DNAJB6: variants seen among roughly 807,000 people sequenced by gnomAD.
DNAJB6 encodes the protein DnaJ heat shock protein family (Hsp40) member B6.
In DNAJB6, 16 loss-of-function variants were observed where a neutral mutation model predicts 42.7. The observed-to-expected ratio is 0.37, with a 90% CI of 0.25 to 0.57. The LOEUF (loss-of-function observed/expected upper bound fraction) is 0.57, where lower values mean the gene tolerates loss of function less well. Among genes scored for constraint, DNAJB6 ranks in the 20% least tolerant of loss-of-function variants. The pLI is 0.74. For synonymous variants in DNAJB6, 170 were observed against 163.5 expected, an observed-to-expected ratio of 1.04 and a Z score of -0.30; for missense variants, 347 against 416.8, an observed-to-expected ratio of 0.83 and a Z score of 1.46.
intron 8 of DNAJB6, among the ~76,000 whole-genome samples, chr7:157,404,140 C>CT (rs371892863): frequency 0.021 from 3,240 of 150,838 alleles, 57 homozygotes; most frequent in Middle Eastern, 0.069. Flanking sequence ...CTAATTTTTT[C>CT]TTTTTTTTTG....
At chr7:157,380,904 C>G (rs1800732656) in intron 5 of DNAJB6, 2 of 152,288 alleles carry the variant, frequency 1.3e-5, no homozygotes, top group South Asian at 4.1e-4. Flanking sequence ...CTGGGGGTAC[C>G]CAGCGTCTCA....
chr7:157,381,673 A>G (rs1800780589), intron 5 of DNAJB6: 1 of 152,222 alleles, frequency 6.6e-6, no homozygotes, highest in African/African-American at 2.4e-5. Flanking sequence ...CATCAAACTT[A>G]GAATAAAAGG....
At position 157,410,236 on chromosome 7, in the gene DNAJB6, G is replaced by A. The variant is rs1308540619; in HGVS notation, c.898+235G>A. 26 of 975,846 alleles carry A rather than the reference G, an allele frequency of 2.7e-5. 1 individual carries two copies. The South Asian group carries it at 4.7e-4, about 18-fold the overall frequency. 60.4% of individuals were successfully genotyped at this position (975,846 alleles called of 1,614,324 possible). On this transcript the variant is annotated intron_variant, in intron 9 of 9. Transcript: ENST00000262177. ...AAAACGGGGTCCGCGTGTCCTGTAC[G>A]CAGCGTGTTGCTCCGCAAAGGATGA... is the stretch of plus-strand genomic sequence containing the variant.
intron 1 of DNAJB6, among the ~76,000 whole-genome samples, chr7:157,344,284 T>G (rs1159994945): frequency 6.6e-6 from 1 of 151,382 alleles, no homozygotes; most frequent in Non-Finnish European, 1.5e-5. Flanking sequence ...GAGCTTGCAG[T>G]GAGCCGAGAT....
chr7:157,390,600 T>C (rs1428483161), intron 8 of DNAJB6, among the ~76,000 whole-genome samples: 1 of 152,124 alleles, frequency 6.6e-6, no homozygotes, highest in Non-Finnish European at 1.5e-5. Flanking sequence ...GTTGCAGAAA[T>C]GTGGGGTGGA....
intron 8 of DNAJB6, among the ~76,000 whole-genome samples, chr7:157,394,757 T>C (rs113150258): frequency 1.0e-3 from 156 of 152,186 alleles, no homozygotes; most frequent in African/African-American, 3.5e-3. Context: ...AAGCAACACA[T>C]CACAAGAGCA....
At chr7:157,342,775 G>A (rs1029294686) in intron 1 of DNAJB6, among the ~76,000 whole-genome samples, 1 of 152,074 alleles carries the variant, frequency 6.6e-6, no homozygotes, top group African/African-American at 2.4e-5. Flanking sequence ...TTAATGAAAG[G>A]GAGTTAAGCT....
intron 8 of DNAJB6, among the ~76,000 whole-genome samples, chr7:157,396,034 G>A (rs1468815943): frequency 2.7e-5 from 4 of 150,340 alleles, no homozygotes; most frequent in Non-Finnish European, 4.4e-5. Context: ...TGCAACCTCC[G>A]TCTCCTGGGT....
At chr7:157,394,671 T>A (rs58355925) in intron 8 of DNAJB6, among the ~76,000 whole-genome samples, 172 of 152,360 alleles carry the variant, frequency 1.1e-3, no homozygotes, top group African/African-American at 4.0e-3. Flanking sequence ...TGCAGCTTTT[T>A]TGGGAGGAAC....
intron 1 of DNAJB6, among the ~76,000 whole-genome samples, chr7:157,356,965 A>T (rs1799309488): frequency 6.6e-6 from 1 of 151,624 alleles, no homozygotes; most frequent in Non-Finnish European, 1.5e-5. Context: ...GATTTCCATT[A>T]TAGTTTTTTG....
chr7:157,401,486 C>T lies in DNAJB6; in HGVS notation c.692-8309C>T, dbSNP rs537443349. Among the ~76,000 whole-genome samples the T allele has an allele frequency of 3.3e-5, 5 of 152,338 alleles. No homozygotes were observed. In the East Asian group the frequency reaches 5.8e-4, roughly 18 times the overall value. On this transcript the variant is annotated intron_variant, in intron 8 of 9. Coordinates refer to ENST00000262177, the MANE Select transcript of DNAJB6 (RefSeq NM_058246.4). ...TCGGCCTCCCAAAGTGCTGGCATTA[C>T]AGGCATGAGCCACCGTGCTTGACCA...
intron 3 of DNAJB6, 104 bp downstream of exon 3, chr7:157,363,374 T>A: frequency 1.5e-6 from 1 of 661,348 alleles, no homozygotes; most frequent in Non-Finnish European, 2.6e-6. Context: ...TCAAGTGACT[T>A]GTTTTTGATG....
At chr7:157,413,803 A>C (rs895552908) in intron 9 of DNAJB6, 3 of 146,388 alleles carry the variant, frequency 2.0e-5, no homozygotes, top group Non-Finnish European at 4.5e-5. Context: ...GCTCACTGCA[A>C]CCTCTGCCTC....
chr7:157,373,372 A>G (rs138573149), intron 5 of DNAJB6, among the ~76,000 whole-genome samples: 13 of 152,268 alleles, frequency 8.5e-5, no homozygotes, highest in South Asian at 2.1e-4. Flanking sequence ...TCGCTCTGAG[A>G]CAGAGTTTTG....
chr7:157,376,405 G>A (rs558148814), intron 5 of DNAJB6, among the ~76,000 whole-genome samples: 5 of 152,256 alleles, frequency 3.3e-5, no homozygotes, highest in East Asian at 1.9e-4. Context: ...TTTTAAAGAA[G>A]CTCTTGCTAT....
At chr7:157,341,004 G>GCGCGCTCGCGCA (rs1554450177) in intron 1 of DNAJB6, among the ~76,000 whole-genome samples, 1 of 147,148 alleles carries the variant, frequency 6.8e-6, no homozygotes, top group African/African-American at 2.5e-5. Flanking sequence ...GTGTGCGCGC[G>GCGCGCTCGCGCA]CGCAGGTGGA....
In DNAJB6 at chr7:157,382,507, C is replaced by A. The variant is rs1800836784; in HGVS notation, c.478+130C>A. The A allele has an allele frequency of 2.8e-6, 3 of 1,067,814 alleles. No homozygotes were observed. The East Asian group carries it at 8.6e-5, about 31-fold the overall frequency. The allele number at this position is 1,067,814 out of a possible 1,614,324, so 66.1% of individuals were successfully genotyped here. A position where few individuals can be genotyped will look rare whatever the true frequency, so the allele number is the denominator to read the frequency against. On this transcript the variant is annotated intron_variant, in intron 6 of 9. Coordinates refer to ENST00000262177, the MANE Select transcript of DNAJB6 (RefSeq NM_058246.4). ...TCGTAGAATAGCATTGTGGATTTGCCAGCTTTTTTTGGTATACAGGTCTGC... is the reference window on the plus strand; with the variant it reads ...TCGTAGAATAGCATTGTGGATTTGCAAGCTTTTTTTGGTATACAGGTCTGC...
chr7:157,386,660 A>G (rs907976463), intron 8 of DNAJB6, among the ~76,000 whole-genome samples: 1 of 152,160 alleles, frequency 6.6e-6, no homozygotes, highest in African/African-American at 2.4e-5. Flanking sequence ...AGGCGGGTGG[A>G]TCACCTGAGG....
At chr7:157,410,647 T>C in intron 9 of DNAJB6, 1 of 153,668 alleles carries the variant, frequency 6.5e-6, no homozygotes. Context: ...AAGCCCAGGG[T>C]CCATGTAGTG....
Sources: allele counts gnomAD v4.1 joint callset (sites outside exome capture counted in the v4.1 genomes callset), GRCh38; gene constraint gnomAD v4.1.1; transcripts MANE v1.5; gene names NCBI Gene and HGNC (gene_info 2026-07-23, HGNC 2026-07-21).